Variants in FAM174B observed in about 807,000 individuals in gnomAD.
FAM174B encodes family with sequence similarity 174 member B.
FAM174B carries 12 observed loss-of-function variants against 10.9 expected under a neutral mutation model. That is an observed-to-expected ratio of 1.10 (90% confidence interval 0.71 to 1.79). FAM174B has a LOEUF of 1.79. Ranked by LOEUF, FAM174B falls within the 40% of genes most tolerant of loss-of-function variation. The pLI, the probability that FAM174B is intolerant of heterozygous loss-of-function variation, is 0.00. For synonymous variants in FAM174B, 132 were observed against 115.8 expected (o/e 1.14, Z -0.90); for missense variants, 266 against 233.3 (o/e 1.14, Z -0.91).
chr15:92,636,837 A>G (rs1317898931), intron 1 of FAM174B, among the ~76,000 whole-genome samples: 2 of 152,310 alleles, frequency 1.3e-5, no homozygotes, highest in Non-Finnish European at 2.9e-5. Context: ...CGGAGTTCGC[A>G]GCCACTTGAC....
At chr15:92,644,839 G>T (rs2050915436) in intron 1 of FAM174B, among the ~76,000 whole-genome samples, 1 of 152,240 alleles carries the variant, frequency 6.6e-6, no homozygotes, top group Non-Finnish European at 1.5e-5. Flanking sequence ...CCAAGCTCCT[G>T]CCCGGCTGCC....
At chr15:92,643,107 T>C (rs1408193296) in intron 1 of FAM174B, among the ~76,000 whole-genome samples, 1 of 149,888 alleles carries the variant, frequency 6.7e-6, no homozygotes, top group East Asian at 2.0e-4. Flanking sequence ...GTAAATATAC[T>C]AAAAACCATT....
At chr15:92,628,537 G>A (rs150046452) in intron 2 of FAM174B, among the ~76,000 whole-genome samples, 2 of 151,978 alleles carry the variant, frequency 1.3e-5, no homozygotes, top group African/African-American at 4.8e-5. Context: ...CTCAGGTACA[G>A]AGGGCCAACT....
intron 1 of FAM174B, among the ~76,000 whole-genome samples, chr15:92,647,013 C>T (rs1421740732): frequency 1.3e-5 from 2 of 152,198 alleles, no homozygotes; most frequent in East Asian, 3.8e-4. Context: ...TCATATTTGG[C>T]TCAGAATAAA....
At chr15:92,643,344 A>ATGTGTGTGTGTGTGTG (rs61322216) in intron 1 of FAM174B, among the ~76,000 whole-genome samples, 15,194 of 137,890 alleles carry the variant, frequency 0.11, 1,158 homozygotes, top group Non-Finnish European at 0.16. Context: ...TAGGGAAGGA[A>ATGTGTGTGTGTGTGTG]TGTGTGTGTG....
At chr15:92,619,696 T>G in intron 2 of FAM174B, 1 of 585,716 alleles carries the variant, frequency 1.7e-6, no homozygotes, top group Non-Finnish European at 3.0e-6. Flanking sequence ...ACAGACTCCC[T>G]AGAACACAAC....
intron 1 of FAM174B, among the ~76,000 whole-genome samples, chr15:92,631,400 T>TATTATATATTA (rs1224800326): frequency 3.2e-5 from 1 of 31,460 alleles, no homozygotes; most frequent in African/African-American, 2.0e-4. Flanking sequence ...ATATATTATA[T>TATTATATATTA]TATATTATAT....
At position 92,623,551 on chromosome 15, in the gene FAM174B, C is replaced by T. The variant is rs138781223; in HGVS notation, c.477-4092G>A. ...TCCCACACGAGGAGAGTGACATGTCCCAACTTGCTTCTGGCCCATGTTTTA... is the reference window on the plus strand; with the variant it reads ...TCCCACACGAGGAGAGTGACATGTCTCAACTTGCTTCTGGCCCATGTTTTA... On this transcript the variant is annotated intron_variant, in intron 2 of 2. Transcript: ENST00000327355. 6.0e-4 allele frequency among the ~76,000 whole-genome samples: 92 copies of T among 152,308 alleles called. 1 individual carries two copies. The highest frequency in any genetic ancestry group is 2.2e-3 in the African/African-American group (90 of 41,548).
chr15:92,655,532 G>A lies in FAM174B; in HGVS notation c.128C>T (p.Ser43Leu), dbSNP rs969827326. 1.3e-6 allele frequency: 2 copies of A among 1,482,908 alleles called. No individual in the cohort carries two copies. The highest frequency in any genetic ancestry group is 1.5e-5 in the African/African-American group (1 of 68,182). The allele number at this position is 1,482,908 out of a possible 1,614,324, so 91.9% of individuals were successfully genotyped here. A position where few individuals can be genotyped will look rare whatever the true frequency, so the allele number is the denominator to read the frequency against. ...GGGCCCCGGGCCGGGCGGTGGCCGC[G>A]ACTCGCGCTCGGGTTCGGGCCACGG... ...SAPWPEPERE[S>L]RPPPGPGPGN... is the part of the protein sequence containing the mutation. The change falls in exon 1 of 3, where the codon TCG (serine) becomes TTG (leucine). Residue 43 changes from serine to leucine, a missense_variant. Physicochemically the swap from Ser to Leu is moderately radical, Grantham distance 145. Transcript: ENST00000327355.
rs1009362237 is a variant in FAM174B, at chr15:92,623,156, CAAAAAAA to C, written c.477-3704_477-3698del. On this transcript the variant is annotated intron_variant, in intron 2 of 2. Coordinates refer to ENST00000327355, the MANE Select transcript of FAM174B (RefSeq NM_207446.3). ...GGGCAACAAAAGCAAGACTCCATCT[CAAAAAAA>C]AAAAAGAAAAAAGTGGCCATGCTCC... Among the ~76,000 whole-genome samples the C allele has an allele frequency of 2.2e-5, 3 of 139,334 alleles. No individual in the cohort carries two copies. The South Asian group carries it at 7.0e-4, about 32-fold the overall frequency. 91.4% of individuals were successfully genotyped at this position (139,334 alleles called of 152,430 possible).
At chr15:92,655,029 A>C (rs2050991861) in intron 1 of FAM174B, 1 of 285,960 alleles carries the variant, frequency 3.5e-6, no homozygotes. Flanking sequence ...TCAGAGCGCT[A>C]TTGTTAGTGT....
chr15:92,619,152 GT>G lies in FAM174B; in HGVS notation c.*303del, dbSNP rs755661605. 5.7e-6 allele frequency: 4 copies of G among 695,954 alleles called. No individual in the cohort carries two copies. The East Asian group carries it at 8.1e-5, about 14-fold the overall frequency. The allele number at this position is 695,954 out of a possible 1,614,324, so 43.1% of individuals were successfully genotyped here. ...AAAAAAACTTCTTTAAAATCAACAT[GT>G]TTCTACCCTTTGCTCCTTAGCAAGG... On this transcript the variant is annotated 3_prime_UTR_variant, in exon 3 of 3. Transcript: ENST00000327355.
chr15:92,646,168 G>A (rs189522673), intron 1 of FAM174B, among the ~76,000 whole-genome samples: 62 of 152,196 alleles, frequency 4.1e-4, no homozygotes, highest in Admixed American at 2.6e-3. Flanking sequence ...CACCAGCCAC[G>A]TCACTATTCA....
chr15:92,652,449 G>A (rs1435171701), intron 1 of FAM174B, among the ~76,000 whole-genome samples: 1 of 152,192 alleles, frequency 6.6e-6, no homozygotes, highest in Non-Finnish European at 1.5e-5. Context: ...CAAAGCAGGA[G>A]GCGCACTGAG....
Position 92,617,543 on chromosome 15 carries a change from A to G in FAM174B, c.*1913T>C. 1.9e-6 allele frequency: 1 copy of G among 517,456 alleles called. No individual in the cohort carries two copies. The allele number at this position is 517,456 out of a possible 1,614,324, so 32.1% of individuals were successfully genotyped here. ...TTCAGCAGCCGCCATTTCTGCCAGG[A>G]CCAGTGGCAAGCACCTGGCAGATGG... On this transcript the variant is annotated 3_prime_UTR_variant, in exon 3 of 3. Transcript: ENST00000327355.
intron 1 of FAM174B, among the ~76,000 whole-genome samples, chr15:92,638,365 T>C (rs2050869053): frequency 1.3e-5 from 2 of 152,204 alleles, no homozygotes; most frequent in African/African-American, 4.8e-5. Flanking sequence ...CAATGGACTG[T>C]TCACCAGCTG....
intron 2 of FAM174B, chr15:92,619,901 G>A (rs769420489): frequency 1.0e-5 from 2 of 197,652 alleles, no homozygotes; most frequent in Non-Finnish European, 2.1e-5. Flanking sequence ...CCATGGCTGT[G>A]TTCCAGTACA....
intron 2 of FAM174B, among the ~76,000 whole-genome samples, chr15:92,625,820 T>A (rs1272508867): frequency 1.3e-5 from 2 of 152,216 alleles, no homozygotes; most frequent in Non-Finnish European, 2.9e-5. Flanking sequence ...CACTACTTAG[T>A]CTTTCCGAAC....
chr15:92,644,166 C>T (rs1400028962), intron 1 of FAM174B, among the ~76,000 whole-genome samples: 6 of 152,128 alleles, frequency 3.9e-5, no homozygotes, highest in Non-Finnish European at 8.8e-5. Flanking sequence ...TCTGCCCCAC[C>T]CTGTAAGGAA....
Sources: gnomAD v4.1 joint callset for allele counts (sites outside exome capture counted in the v4.1 genomes callset) on GRCh38, gnomAD v4.1.1 for gene constraint, MANE v1.5 for transcripts, NCBI Gene and HGNC (gene_info 2026-07-23, HGNC 2026-07-21) for gene names.